ERICH6B: variants seen among roughly 807,000 people sequenced by gnomAD.
ERICH6B encodes the protein glutamate rich 6B, also known as glutamate-rich protein 6B.
Under a neutral mutation model 80.0 loss-of-function variants are expected in ERICH6B, and 69 were observed. The ratio of observed to expected loss-of-function variants is 0.86; its 90% CI spans 0.71 to 1.05. The LOEUF is 1.05. Among genes scored for constraint, ERICH6B ranks in the 50% least tolerant of loss-of-function variants. The pLI is 0.00. For synonymous variants in ERICH6B, 283 were observed against 291.9 expected (o/e 0.97, Z 0.31); for missense variants, 754 against 796.1 (o/e 0.95, Z 0.64).
intron 7 of ERICH6B, among the ~76,000 whole-genome samples, chr13:45,576,581 G>A (rs980361985): frequency 6.6e-6 from 1 of 152,194 alleles, no homozygotes; most frequent in Non-Finnish European, 1.5e-5. Flanking sequence ...GGGCCTGAGA[G>A]ACCAAGGAGC....
chr13:45,565,544 G>A (rs746527245), intron 9 of ERICH6B, among the ~76,000 whole-genome samples: 1 of 152,182 alleles, frequency 6.6e-6, no homozygotes, highest in Non-Finnish European at 1.5e-5. Context: ...CTGGTGGGAG[G>A]TAACTGAACC....
At chr13:45,581,463 G>A (rs1280134272) in intron 5 of ERICH6B, among the ~76,000 whole-genome samples, 1 of 152,096 alleles carries the variant, frequency 6.6e-6, no homozygotes, top group African/African-American at 2.4e-5. Flanking sequence ...TGCAACCTCC[G>A]CCTCCCAGGT....
intron 8 of ERICH6B, among the ~76,000 whole-genome samples, chr13:45,573,974 A>G (rs1875276904): frequency 6.6e-6 from 1 of 152,162 alleles, no homozygotes. Flanking sequence ...ATTTCAGTAA[A>G]TCTTAGTAAT....
At chr13:45,606,520 TA>T (rs1566307705) in intron 2 of ERICH6B, among the ~76,000 whole-genome samples, 7 of 20,216 alleles carry the variant, frequency 3.5e-4, no homozygotes, top group African/African-American at 1.3e-3. Flanking sequence ...TATATATATA[TA>T]TATATATATA....
chr13:45,591,266 C>A (rs560072311), intron 3 of ERICH6B, among the ~76,000 whole-genome samples: 5 of 152,070 alleles, frequency 3.3e-5, no homozygotes, highest in African/African-American at 1.2e-4. Context: ...CTTACCCATG[C>A]AAGAAAATAT....
chr13:45,563,586 C>A (rs1049191908), intron 10 of ERICH6B, 141 bp downstream of exon 10: 1 of 777,928 alleles, frequency 1.3e-6, no homozygotes, highest in African/African-American at 1.7e-5. Flanking sequence ...CCCTGGCAGC[C>A]AGGACCACAT....
chr13:45,542,533 C>CT lies in ERICH6B; in HGVS notation c.1873-854dup, dbSNP rs551000056. On this transcript the variant is annotated intron_variant, in intron 14 of 14. Transcript: ENST00000298738. ...GGCACAGCTGCCCCTCCCCGGGACT[C>CT]TAGCTCTCCAAGGCGTCAGGCCCCC... Among the ~76,000 whole-genome samples the CT allele has an allele frequency of 4.5e-4, 68 of 152,360 alleles. No individual in the cohort carries two copies. In the South Asian group the frequency reaches 5.8e-3, roughly 13 times the overall value.
intron 5 of ERICH6B, among the ~76,000 whole-genome samples, chr13:45,581,047 T>C (rs1239131812): frequency 6.6e-6 from 1 of 152,172 alleles, no homozygotes; most frequent in Non-Finnish European, 1.5e-5. Context: ...TCCAAGGCCA[T>C]GTAGACACAC....
chr13:45,568,342 C>T lies in ERICH6B; in HGVS notation c.1160G>A (p.Ser387Asn), dbSNP rs1424594568. Residue 387 changes from serine (S) to asparagine (N), a missense_variant, in exon 9 of 15, where the codon AGT becomes AAT. Ser to Asn is a conservative substitution (Grantham distance 46). Coordinates refer to ENST00000298738, the MANE Select transcript of ERICH6B (RefSeq NM_182542.3). ...AATTACCAGTTTCCATCTGTTTTCA[C>T]TTTCCAGTAGCTTAGTTAGGGGAAT... ...FDIPLTKLLE[S>N]ENRWKLVIML... 14 of 1,546,534 alleles carry T rather than the reference C, an allele frequency of 9.1e-6. No individual in the cohort carries two copies. The East Asian group carries it at 2.5e-4, about 27-fold the overall frequency.
intron 14 of ERICH6B, among the ~76,000 whole-genome samples, chr13:45,543,957 G>A (rs1241173589): frequency 6.6e-6 from 1 of 152,182 alleles, no homozygotes; most frequent in Non-Finnish European, 1.5e-5. Flanking sequence ...GGTGACATCT[G>A]TGTTTTATTG....
intron 11 of ERICH6B, among the ~76,000 whole-genome samples, chr13:45,554,924 A>G (rs1376052738): frequency 6.6e-6 from 1 of 152,196 alleles, no homozygotes; most frequent in African/African-American, 2.4e-5. Flanking sequence ...TGTTTGTAAA[A>G]CAAACAAACA....
intron 13 of ERICH6B, among the ~76,000 whole-genome samples, chr13:45,549,137 A>G (rs913537126): frequency 6.6e-6 from 1 of 152,124 alleles, no homozygotes; most frequent in Admixed American, 6.5e-5. Context: ...TACATAAACT[A>G]GCTGGGCTTG....
intron 13 of ERICH6B, 84 bp downstream of exon 13, chr13:45,549,809 G>A: frequency 7.1e-7 from 1 of 1,398,898 alleles, no homozygotes; most frequent in Non-Finnish European, 9.5e-7. Context: ...AGACAGGGAG[G>A]AAGTTCATAC....
rs1269330057 is a variant in ERICH6B, at chr13:45,567,031, A to G, written c.1187+1284T>C. ...AGCATGACCTGGATGTGAGACATGGAGTTAAAGAAGATTATTTTGGAACTT... is the reference window on the plus strand; with the variant it reads ...AGCATGACCTGGATGTGAGACATGGGGTTAAAGAAGATTATTTTGGAACTT... On this transcript the variant is annotated intron_variant, in intron 9 of 14. Coordinates refer to ENST00000298738, the MANE Select transcript of ERICH6B (RefSeq NM_182542.3). Among the ~76,000 whole-genome samples the G allele has an allele frequency of 3.3e-5, 5 of 152,218 alleles. No individual in the cohort carries two copies. In the East Asian group the frequency reaches 9.6e-4, roughly 29 times the overall value.
intron 4 of ERICH6B, 104 bp from the exon 5 acceptor site, chr13:45,587,336 C>T: frequency 3.2e-6 from 3 of 935,102 alleles, no homozygotes; most frequent in Non-Finnish European, 4.8e-6. Flanking sequence ...GATGTCCAGA[C>T]CCAGATGATG....
chr13:45,563,670 G>C (rs754369266), intron 10 of ERICH6B, 57 bp downstream of exon 10: 41 of 1,425,268 alleles, frequency 2.9e-5, no homozygotes, highest in South Asian at 2.5e-5. Flanking sequence ...GGGGAGAGGC[G>C]GTGGGATGCA....
chr13:45,559,036 A>AT (rs887528531), intron 11 of ERICH6B, among the ~76,000 whole-genome samples: 3 of 151,720 alleles, frequency 2.0e-5, no homozygotes, highest in African/African-American at 7.3e-5. Context: ...GTCTGGTAGA[A>AT]TTTTTTTTGT....
chr13:45,553,986 CTCT>C (rs1443066222), intron 11 of ERICH6B, among the ~76,000 whole-genome samples: 1 of 152,114 alleles, frequency 6.6e-6, no homozygotes, highest in Non-Finnish European at 1.5e-5. Context: ...AAAATCTACT[CTCT>C]TAGCAATTTT....
At chr13:45,610,659 A>G (rs889231703) in intron 1 of ERICH6B, among the ~76,000 whole-genome samples, 1 of 152,224 alleles carries the variant, frequency 6.6e-6, no homozygotes, top group African/African-American at 2.4e-5. Context: ...TCTATGCTAC[A>G]AGCTGGACAG....
Sources: gnomAD v4.1 joint callset for allele counts (sites outside exome capture counted in the v4.1 genomes callset) on GRCh38, gnomAD v4.1.1 for gene constraint, MANE v1.5 for transcripts, NCBI Gene and HGNC (gene_info 2026-07-23, HGNC 2026-07-21) for gene names.